Variants in NTNG2 observed in about 807,000 individuals in gnomAD.
The protein encoded by NTNG2 is netrin-G2.
NTNG2 carries 15 observed loss-of-function variants against 47.6 expected under a neutral mutation model. The observed-to-expected ratio is 0.32, with a 90% CI of 0.21 to 0.49. The LOEUF (loss-of-function observed/expected upper bound fraction) is 0.49, where lower values mean the gene tolerates loss of function less well. Among genes scored for constraint, NTNG2 ranks in the 20% least tolerant of loss-of-function variants. The probability of loss-of-function intolerance (pLI) is 0.99; values close to 1 mark genes in which losing one functional copy is unlikely to be tolerated. For synonymous variants in NTNG2, 307 were observed against 324.6 expected (o/e 0.95, Z 0.58); for missense variants, 578 against 764.6 (o/e 0.76, Z 2.88).
intron 3 of NTNG2, among the ~76,000 whole-genome samples, chr9:132,201,480 C>G (rs372821391): frequency 6.6e-6 from 1 of 152,326 alleles, no homozygotes; most frequent in South Asian, 2.1e-4. Flanking sequence ...TCTTCAGTTC[C>G]GCTGGGAAAG....
At chr9:132,167,093 GTC>G in intron 2 of NTNG2, 49 bp downstream of exon 2, 1 of 1,588,866 alleles carries the variant, frequency 6.3e-7, no homozygotes, top group Non-Finnish European at 8.6e-7. Flanking sequence ...GTGGGAGGAG[GTC>G]TGGAGGAGAT....
At chr9:132,241,810 C>G in intron 7 of NTNG2, 66 bp from the exon 8 acceptor site, 1 of 1,255,298 alleles carries the variant, frequency 8.0e-7, no homozygotes, top group Non-Finnish European at 1.1e-6. Flanking sequence ...CCCTGCTTCG[C>G]AGGAGCTCGG....
At chr9:132,238,977 C>T (rs1226902895) in intron 5 of NTNG2, 127 bp from the exon 6 acceptor site, 6 of 965,848 alleles carry the variant, frequency 6.2e-6, no homozygotes, top group African/African-American at 1.6e-5. Context: ...GGGCACCTTC[C>T]GGTACCTTTT....
In NTNG2 at chr9:132,166,862, T is replaced by C. The variant is rs1265740467; in HGVS notation, c.31T>C (p.Cys11Arg). The C allele has an allele frequency of 4.3e-6, 7 of 1,614,088 alleles. No individual in the cohort carries two copies. Among genetic ancestry groups the C allele is most frequent in the Non-Finnish European group, 5.1e-6 (6 of 1,180,048 alleles). The change falls in exon 2 of 8, where the codon TGC (cysteine) becomes CGC (arginine). Residue 11 changes from cysteine (C) to arginine (R), a missense_variant. Cys to Arg is a radical substitution (Grantham distance 180). Transcript: ENST00000393229. ...GCATCTGCTGGCGCTCTTCCTGCAC[T>C]GCCTCCCTCTGGCCTCTGGGGACTA... Reference protein sequence around the residue: MLHLLALFLHCLPLASGDYDI... With the variant: MLHLLALFLHRLPLASGDYDI...
In NTNG2 at chr9:132,244,001, G is replaced by A. The variant is rs1842128257; in HGVS notation, c.*1890G>A. On this transcript the variant is annotated 3_prime_UTR_variant, in exon 8 of 8. Coordinates refer to ENST00000393229, the MANE Select transcript of NTNG2 (RefSeq NM_032536.4). ...CACTGCCTGGGACCCAAAGTGCCCA[G>A]ATAAAATAAAACACCTCTCTGGGGC... 1 of 152,302 alleles carries A rather than the reference G, an allele frequency of 6.6e-6. No homozygotes were observed. Among genetic ancestry groups the A allele is most frequent in the East Asian group, 1.9e-4 (1 of 5,200 alleles). 9.4% of individuals were successfully genotyped at this position (152,302 alleles called of 1,614,324 possible). A position where few individuals can be genotyped will look rare whatever the true frequency, so the allele number is the denominator to read the frequency against.
intron 3 of NTNG2, among the ~76,000 whole-genome samples, chr9:132,212,769 T>G (rs1839685677): frequency 6.6e-6 from 1 of 152,190 alleles, no homozygotes; most frequent in African/African-American, 2.4e-5. Flanking sequence ...TTTGCTACCA[T>G]GTTCCTTTCA....
In NTNG2 at chr9:132,203,464, C is replaced by T. The variant is rs189495189; in HGVS notation, c.857+4855C>T. On this transcript the variant is annotated intron_variant, in intron 3 of 7. Coordinates refer to ENST00000393229, the MANE Select transcript of NTNG2 (RefSeq NM_032536.4). ...GGTGTGGCCTGGGGAGAAATGGAGA[C>T]AGCAGGCGCCTCACAAGACAGTGGA... 2.6e-5 allele frequency among the ~76,000 whole-genome samples: 4 copies of T among 152,264 alleles called. No homozygotes were observed. In the East Asian group the frequency reaches 5.8e-4, roughly 22 times the overall value.
intron 3 of NTNG2, among the ~76,000 whole-genome samples, chr9:132,216,754 C>T (rs1564426863): frequency 6.6e-6 from 1 of 152,072 alleles, no homozygotes; most frequent in Non-Finnish European, 1.5e-5. Context: ...AAATTGATCC[C>T]ACAGAAGAAG....
At chr9:132,229,236 A>G (rs1024009714) in intron 4 of NTNG2, among the ~76,000 whole-genome samples, 2 of 152,042 alleles carry the variant, frequency 1.3e-5, no homozygotes, top group African/African-American at 4.8e-5. Flanking sequence ...TGCCAGCAGG[A>G]AACAGCCCAA....
intron 2 of NTNG2, among the ~76,000 whole-genome samples, chr9:132,189,039 G>A (rs1837629894): frequency 8.5e-6 from 1 of 117,934 alleles, no homozygotes; most frequent in African/African-American, 3.3e-5. Flanking sequence ...TTTAATATAA[G>A]TTTTATGTGA....
At position 132,182,741 on chromosome 9, in the gene NTNG2, G is replaced by C. The variant is rs116128300; in HGVS notation, c.214-15225G>C. On this transcript the variant is annotated intron_variant, in intron 2 of 7. Transcript: ENST00000393229. This position sits in a 1 kb window ranked among gnomAD's most constrained non-coding sequence, Gnocchi z 4.2. ...TTTCCATCTCCCAACACTTGGGGCA[G>C]TCTTCTCGAAGGCCTCAAGCCCAGC... Among the ~76,000 whole-genome samples, 372 of 152,304 alleles carry C rather than the reference G, an allele frequency of 2.4e-3. 1 individual carries two copies. Among genetic ancestry groups the C allele is most frequent in the African/African-American group, 8.4e-3 (351 of 41,558 alleles).
At chr9:132,239,698 C>T (rs560234966) in intron 6 of NTNG2, among the ~76,000 whole-genome samples, 1 of 152,394 alleles carries the variant, frequency 6.6e-6, no homozygotes, top group South Asian at 2.1e-4. Flanking sequence ...CCTATCCCTC[C>T]TCCTGCAGGG....
intron 2 of NTNG2, among the ~76,000 whole-genome samples, chr9:132,177,765 C>T (rs1267308421): frequency 6.6e-6 from 1 of 152,170 alleles, no homozygotes; most frequent in Non-Finnish European, 1.5e-5. Context: ...TCAAGCGATT[C>T]TCCTGCCTCA....
Position 132,226,549 on chromosome 9 carries a change from A to G in NTNG2, c.858-300A>G, listed in dbSNP as rs1054270425. ...TACTAAGAATCTAGCATCTGGGACA[A>G]GGCAGTATCATCACTCTCCCCAACT... On this transcript the variant is annotated intron_variant, in intron 3 of 7. Transcript: ENST00000393229. This position sits in a 1 kb window ranked among gnomAD's most constrained non-coding sequence, Gnocchi z 4.8. Among the ~76,000 whole-genome samples the G allele has an allele frequency of 6.6e-6, 1 of 152,262 alleles. No individual in the cohort carries two copies. The highest frequency in any genetic ancestry group is 1.5e-5 in the Non-Finnish European group (1 of 68,042).
At chr9:132,198,905 T>A (rs1262641610) in intron 3 of NTNG2, among the ~76,000 whole-genome samples, 1 of 152,032 alleles carries the variant, frequency 6.6e-6, no homozygotes, top group African/African-American at 2.4e-5. Flanking sequence ...GTTCTTGGGA[T>A]GTTATCTGGT....
intron 2 of NTNG2, among the ~76,000 whole-genome samples, chr9:132,177,908 C>T (rs763570091): frequency 9.2e-5 from 14 of 152,098 alleles, no homozygotes; most frequent in Non-Finnish European, 1.3e-4. Flanking sequence ...CTGCCCACCT[C>T]GGCCTCCCAA....
At position 132,242,359 on chromosome 9, in the gene NTNG2, C is replaced by T. The variant is rs1842043373; in HGVS notation, c.*248C>T. ...GTTTTTCTTTTGTATTATCCGCCGC[C>T]CAGTTCCTTTTTTGTCTTTCTCTCT... On this transcript the variant is annotated 3_prime_UTR_variant, in exon 8 of 8. Coordinates refer to ENST00000393229, the MANE Select transcript of NTNG2 (RefSeq NM_032536.4). This position sits in a 1 kb window ranked among gnomAD's most constrained non-coding sequence, Gnocchi z 5.9. 5.8e-6 allele frequency: 1 copy of T among 171,226 alleles called. No individual in the cohort carries two copies. Among genetic ancestry groups the T allele is most frequent in the Non-Finnish European group, 1.2e-5 (1 of 81,514 alleles). 10.6% of individuals were successfully genotyped at this position (171,226 alleles called of 1,614,324 possible).
intron 3 of NTNG2, among the ~76,000 whole-genome samples, chr9:132,216,165 T>C (rs1250626027): frequency 6.6e-6 from 1 of 152,204 alleles, no homozygotes; most frequent in Non-Finnish European, 1.5e-5. Context: ...TCACCGGCCT[T>C]TAACCCAGCA....
chr9:132,211,751 T>C (rs874653), intron 3 of NTNG2, among the ~76,000 whole-genome samples: 91,998 of 151,974 alleles, frequency 0.61, 30,149 homozygotes, highest in African/African-American at 0.88. Context: ...TGGCGGCTTG[T>C]GACAATTCCA....
Sources: gnomAD v4.1 joint callset for allele counts (sites outside exome capture counted in the v4.1 genomes callset) on GRCh38, gnomAD v4.1.1 for gene constraint, Gnocchi (gnomAD v3.1) non-coding constraint, MANE v1.5 for transcripts, NCBI Gene and HGNC (gene_info 2026-07-23, HGNC 2026-07-21) for gene names.